Variants in PLEKHB1 observed in about 807,000 individuals in gnomAD.
PLEKHB1 encodes pleckstrin homology domain containing B1, also known as pleckstrin homology domain-containing family B member 1.
PLEKHB1 carries 29 observed loss-of-function variants against 36.2 expected under a neutral mutation model. The observed-to-expected ratio is 0.80, with a 90% CI of 0.60 to 1.09. The LOEUF (loss-of-function observed/expected upper bound fraction) is 1.09, where lower values mean the gene tolerates loss of function less well. Among genes scored for constraint, PLEKHB1 ranks in the 50% least tolerant of loss-of-function variants. The pLI is 0.00. For synonymous variants in PLEKHB1, 138 were observed against 140.0 expected (o/e 0.99, Z 0.10); for missense variants, 330 against 348.2 (o/e 0.95, Z 0.42).
chr11:73,652,434 A>C (rs1944915818), intron 4 of PLEKHB1: 1 of 164,074 alleles, frequency 6.1e-6, no homozygotes, highest in Non-Finnish European at 1.3e-5. Flanking sequence ...TAAGGGGTAC[A>C]TGGCCTTTGC....
Position 73,652,061 on chromosome 11 carries a change from G to C in PLEKHB1, c.350+171G>C, listed in dbSNP as rs1325489985. On this transcript the variant is annotated intron_variant, in intron 4 of 7. Coordinates refer to ENST00000354190, the MANE Select transcript of PLEKHB1 (RefSeq NM_021200.3). ...TGGATTTGAAGGGCTTGTGGTGACT[G>C]GCATGGCACACAGTGAACTCCTCAT... 3 of 616,846 alleles carry C rather than the reference G, an allele frequency of 4.9e-6. No homozygotes were observed. The East Asian group carries it at 8.3e-5, about 17-fold the overall frequency. 38.2% of individuals were successfully genotyped at this position (616,846 alleles called of 1,614,324 possible).
chr11:73,660,676 C>G, intron 6 of PLEKHB1, 77 bp from the exon 7 acceptor site: 1 of 1,382,400 alleles, frequency 7.2e-7, no homozygotes. Flanking sequence ...CCAGAGAGGC[C>G]TGTGCCAGGC....
Position 73,652,975 on chromosome 11 carries a change from A to G in PLEKHB1, c.351A>G (p.Leu117=), listed in dbSNP as rs1944925739. 1 of 1,608,582 alleles carries G rather than the reference A, an allele frequency of 6.2e-7. No homozygotes were observed. ...HLCAETKDDA[L]AWKTALLEAN... is the part of the protein sequence containing the mutation. ...TGGTCTGGTGGGATTTGCTTTGCAG[A>G]GCATGGAAGACAGCACTGCTGGAGG... The change falls in exon 5 of 8, where the codon CTA becomes CTG. Residue 117 remains leucine, a splice_region_variant and synonymous_variant. Transcript: ENST00000354190.
intron 5 of PLEKHB1, 45 bp from the exon 6 acceptor site, chr11:73,655,758 C>A (rs759831669): frequency 3.2e-6 from 5 of 1,553,318 alleles, no homozygotes; most frequent in South Asian, 1.1e-5. Flanking sequence ...GCCTCTGACA[C>A]CCCCTCCCTC....
At position 73,650,631 on chromosome 11, in the gene PLEKHB1, C is replaced by T. The variant is rs758865962; in HGVS notation, c.173C>T (p.Thr58Ile). Reference protein sequence around the residue: ...DGTLGYYHDETAQDEEDRVLI... With the variant: ...DGTLGYYHDEIAQDEEDRVLI... ...ACCCTGGGATACTACCACGATGAGA[C>T]AGCGCAGGACGAGGAGGACCGTGTG... The change falls in exon 3 of 8, where the codon ACA becomes ATA. Residue 58 changes from threonine to isoleucine, a missense_variant. Coordinates refer to ENST00000354190, the MANE Select transcript of PLEKHB1 (RefSeq NM_021200.3). The T allele has an allele frequency of 1.9e-6, 3 of 1,613,030 alleles. No individual in the cohort carries two copies. The highest frequency in any genetic ancestry group is 2.5e-6 in the Non-Finnish European group (3 of 1,179,506).
At chr11:73,653,665 G>A (rs1217785529) in intron 5 of PLEKHB1, among the ~76,000 whole-genome samples, 2 of 152,230 alleles carry the variant, frequency 1.3e-5, no homozygotes, top group African/African-American at 4.8e-5. Context: ...CTGGGTGAAA[G>A]GTGTGGGGAT....
At chr11:73,651,913 TG>T in intron 4 of PLEKHB1, 23 bp downstream of exon 4, 1 of 1,604,764 alleles carries the variant, frequency 6.2e-7, no homozygotes. Context: ...CAGGAGAGGA[TG>T]GGGTGGAATC....
intron 1 of PLEKHB1, chr11:73,647,885 C>T (rs770612902): frequency 9.2e-6 from 9 of 982,500 alleles, no homozygotes; most frequent in Non-Finnish European, 1.1e-5. Flanking sequence ...GCCCTTGTTA[C>T]GCAGCAACAG....
intron 2 of PLEKHB1, 102 bp downstream of exon 2, chr11:73,649,189 C>T: frequency 7.1e-7 from 1 of 1,399,906 alleles, no homozygotes. Context: ...ACCTTTTCAT[C>T]CTTCCCTTGT....
rs1307103898 is a variant in PLEKHB1 at position 73,650,654 on chromosome 11, G to A, written c.196G>A (p.Val66Met). Residue 66 changes from valine (V) to methionine (M), a missense_variant, in exon 3 of 8, where the codon GTG becomes ATG. Physicochemically the swap from Val to Met is conservative, Grantham distance 21. Transcript: ENST00000354190. Reference sequence around the variant, plus strand: ...GACAGCGCAGGACGAGGAGGACCGTGTGCTCATCCACTTCAATGTCCGTGA... The same window carrying A: ...GACAGCGCAGGACGAGGAGGACCGTATGCTCATCCACTTCAATGTCCGTGA... ...DETAQDEEDRVLIHFNVRDIK... is the reference protein window; with the variant it reads ...DETAQDEEDRMLIHFNVRDIK... 8.1e-6 allele frequency: 13 copies of A among 1,611,702 alleles called. No individual in the cohort carries two copies. The highest frequency in any genetic ancestry group is 1.1e-5 in the Non-Finnish European group (13 of 1,178,948).
At chr11:73,657,512 G>A (rs1945017726) in intron 6 of PLEKHB1, among the ~76,000 whole-genome samples, 1 of 152,206 alleles carries the variant, frequency 6.6e-6, no homozygotes, top group Admixed American at 6.5e-5. Flanking sequence ...GAGAGGGAGA[G>A]GCAGGTTCAA....
chr11:73,649,767 C>T (rs641423), intron 2 of PLEKHB1, among the ~76,000 whole-genome samples: 7,402 of 152,260 alleles, frequency 0.049, 586 homozygotes, highest in African/African-American at 0.17. Flanking sequence ...TGCCCCATAC[C>T]CCTGCCCATT....
intron 5 of PLEKHB1, 31 bp downstream of exon 5, chr11:73,653,045 AC>A (rs750930912): frequency 1.3e-6 from 2 of 1,593,294 alleles, no homozygotes. Context: ...CCCTTTCCCC[AC>A]CACCTCCATG....
At chr11:73,652,011 G>C (rs1565329560) in intron 4 of PLEKHB1, 121 bp downstream of exon 4, 1 of 851,902 alleles carries the variant, frequency 1.2e-6, no homozygotes, top group South Asian at 1.6e-5. Context: ...AGTCAGCAAG[G>C]GAGTCTTATT....
At chr11:73,651,946 C>A in intron 4 of PLEKHB1, 56 bp downstream of exon 4, 2 of 1,500,258 alleles carry the variant, frequency 1.3e-6, no homozygotes, top group Non-Finnish European at 1.8e-6. Flanking sequence ...TACCATGTGC[C>A]CCCTTCTCAT....
chr11:73,660,987 C>T, intron 7 of PLEKHB1, 135 bp downstream of exon 7: 1 of 793,854 alleles, frequency 1.3e-6, no homozygotes. Flanking sequence ...GAACTCTCCG[C>T]AAGCCCCTCT....
At chr11:73,656,736 G>C (rs948485940) in intron 6 of PLEKHB1, among the ~76,000 whole-genome samples, 3 of 152,182 alleles carry the variant, frequency 2.0e-5, no homozygotes, top group Admixed American at 6.5e-5. Flanking sequence ...ACACAGTGGT[G>C]CTCAGTGTGG....
chr11:73,647,769 G>T, intron 1 of PLEKHB1: 5 of 985,256 alleles, frequency 5.1e-6, no homozygotes, highest in Non-Finnish European at 6.0e-6. Flanking sequence ...GGCTGGAAAA[G>T]GAGTCTGCAC....
chr11:73,654,825 G>T (rs776144429), intron 5 of PLEKHB1, among the ~76,000 whole-genome samples: 1 of 152,220 alleles, frequency 6.6e-6, no homozygotes, highest in Non-Finnish European at 1.5e-5. Context: ...GCCAGCTCAT[G>T]ATGGGCCTCA....
Sources: gnomAD v4.1 joint callset for allele counts (sites outside exome capture counted in the v4.1 genomes callset) on GRCh38, gnomAD v4.1.1 for gene constraint, MANE v1.5 for transcripts, NCBI Gene and HGNC (gene_info 2026-07-23, HGNC 2026-07-21) for gene names.